Variants in TM9SF4 observed in about 807,000 individuals in gnomAD.
The protein encoded by TM9SF4 is dinucleotide oxidase disulfide thiol exchanger 3 superfamily member 4.
A neutral mutation model predicts 90.4 loss-of-function variants in TM9SF4; 26 were observed. That is an observed-to-expected ratio of 0.29 (90% CI 0.21 to 0.40). The LOEUF (loss-of-function observed/expected upper bound fraction) is 0.40. TM9SF4 is among the 10% of genes least tolerant of loss of function. The probability of loss-of-function intolerance (pLI) is 1.00; values close to 1 mark genes in which losing one functional copy is unlikely to be tolerated. For synonymous variants in TM9SF4, 293 were observed against 315.4 expected (o/e 0.93, Z 0.75); for missense variants, 549 against 834.8 (o/e 0.66, Z 4.22).
At chr20:32,127,533 G>A (rs1026376109) in intron 1 of TM9SF4, among the ~76,000 whole-genome samples, 5 of 152,134 alleles carry the variant, frequency 3.3e-5, no homozygotes, top group Admixed American at 6.5e-5. Context: ...GAAGGAACCC[G>A]GTCTGTCACT....
chr20:32,144,788 C>G (rs559410739), intron 6 of TM9SF4, among the ~76,000 whole-genome samples: 2 of 152,280 alleles, frequency 1.3e-5, no homozygotes, highest in South Asian at 4.1e-4. Context: ...TGACACACAC[C>G]TGTAGTCCCA....
At position 32,161,302 on chromosome 20, in the gene TM9SF4, C is replaced by T; in HGVS notation, c.1716C>T (p.Phe572=). 6.2e-7 allele frequency: 1 copy of T among 1,613,962 alleles called. No homozygotes were observed. The highest frequency in any genetic ancestry group is 1.1e-5 in the South Asian group (1 of 91,070). Residue 572 remains phenylalanine (F), a synonymous_variant, in exon 17 of 18, where the codon TTC becomes TTT. Coordinates refer to ENST00000398022, the MANE Select transcript of TM9SF4 (RefSeq NM_014742.4). Reference sequence around the variant, plus strand: ...ATTACCGCTGGTGGTGGAGAAATTTCCTAGTCTCCGGGGGCTCTGCATTCT... The same window carrying T: ...ATTACCGCTGGTGGTGGAGAAATTTTCTAGTCTCCGGGGGCTCTGCATTCT... ...AEDYRWWWRN[F]LVSGGSAFYV...
In TM9SF4 at chr20:32,160,032, T is replaced by C. The variant is rs775841125; in HGVS notation, c.1610T>C (p.Leu537Pro). 1 of 1,614,244 alleles carries C rather than the reference T, an allele frequency of 6.2e-7. No individual in the cohort carries two copies. The highest frequency in any genetic ancestry group is 8.5e-7 in the Non-Finnish European group (1 of 1,180,030). Residue 537 changes from leucine (L) to proline (P), a missense_variant, in exon 16 of 18, where the codon CTG becomes CCG. Transcript: ENST00000398022. ...ENQFYYLFGF[L>P]FLVFIILVVS... ...CAGTTCTATTACCTCTTTGGCTTCC[T>C]GTTCCTTGTTTTCATCATCCTGGTG...
chr20:32,114,871 A>G (rs779568272), intron 1 of TM9SF4, among the ~76,000 whole-genome samples: 8 of 152,176 alleles, frequency 5.3e-5, no homozygotes, highest in Non-Finnish European at 8.8e-5. Flanking sequence ...GGGGCAAATT[A>G]CTTTGGCTTC....
intron 1 of TM9SF4, among the ~76,000 whole-genome samples, chr20:32,123,866 A>ATATATATATATATATATT: frequency 9.6e-5 from 9 of 93,960 alleles, no homozygotes; most frequent in African/African-American, 4.1e-4. Context: ...ATATATATAT[A>ATATATATATATATATATT]TTTTTTTTTT....
At chr20:32,146,679 G>A (rs543998723) in intron 8 of TM9SF4, 106 bp from the exon 9 acceptor site, 37 of 1,108,768 alleles carry the variant, frequency 3.3e-5, no homozygotes, top group South Asian at 4.3e-5. Flanking sequence ...GGAGCAAGCC[G>A]TGCATGCCAG....
At chr20:32,141,306 G>A (rs889163328) in intron 3 of TM9SF4, among the ~76,000 whole-genome samples, 191 bp from the exon 4 acceptor site, 1 of 151,932 alleles carries the variant, frequency 6.6e-6, no homozygotes, top group African/African-American at 2.4e-5. Flanking sequence ...CAAAGGAGGA[G>A]GGTGGCAGGT....
At chr20:32,137,845 A>G (rs6142618) in intron 3 of TM9SF4, among the ~76,000 whole-genome samples, 104,855 of 152,078 alleles carry the variant, frequency 0.69, 37,901 homozygotes, top group East Asian at 0.99. Context: ...TCACAATAGC[A>G]TGTAGATTCT....
intron 1 of TM9SF4, among the ~76,000 whole-genome samples, chr20:32,132,572 C>T (rs889448844): frequency 6.6e-6 from 1 of 152,044 alleles, no homozygotes; most frequent in East Asian, 1.9e-4. Flanking sequence ...GAGGCCAGCA[C>T]GGTTTTGGAG....
intron 1 of TM9SF4, among the ~76,000 whole-genome samples, chr20:32,113,579 G>C (rs1203949336): frequency 7.0e-6 from 1 of 142,256 alleles, no homozygotes; most frequent in Non-Finnish European, 1.5e-5. Flanking sequence ...CAGGAGTCTA[G>C]AAACTTCAGT....
Position 32,144,090 on chromosome 20 carries a change from C to G in TM9SF4, c.652+985C>G, listed in dbSNP as rs553977030. ...CCTCCTAAGTAGCTAGGATTATAGG[C>G]GCCCACTACCGCACCTGGCTAATTT... On this transcript the variant is annotated intron_variant, in intron 6 of 17. Transcript: ENST00000398022. Among the ~76,000 whole-genome samples the G allele has an allele frequency of 2.0e-5, 3 of 152,268 alleles. No homozygotes were observed. In the South Asian group the frequency reaches 6.2e-4, roughly 32 times the overall value.
At chr20:32,123,866 A>ATATATTTTTTTTTTTTT in intron 1 of TM9SF4, among the ~76,000 whole-genome samples, 11 of 93,964 alleles carry the variant, frequency 1.2e-4, no homozygotes, top group East Asian at 1.5e-3. Context: ...ATATATATAT[A>ATATATTTTTTTTTTTTT]TTTTTTTTTT....
At chr20:32,165,075 G>A (rs1013520760) in intron 17 of TM9SF4, among the ~76,000 whole-genome samples, 1 of 152,136 alleles carries the variant, frequency 6.6e-6, no homozygotes, top group Non-Finnish European at 1.5e-5. Context: ...TCTGGGCCTG[G>A]CCCCTGAGGC....
chr20:32,161,057 G>T, intron 16 of TM9SF4: 2 of 465,314 alleles, frequency 4.3e-6, no homozygotes, highest in South Asian at 3.5e-5. Context: ...TTTTAATGAG[G>T]TATAAACTGT....
intron 1 of TM9SF4, among the ~76,000 whole-genome samples, chr20:32,118,115 A>G (rs1253519251): frequency 6.6e-6 from 1 of 152,190 alleles, no homozygotes; most frequent in Non-Finnish European, 1.5e-5. Flanking sequence ...AGAATCATAA[A>G]AAGTTGGAAC....
chr20:32,149,906 C>T (rs1569094396), intron 10 of TM9SF4, 140 bp downstream of exon 10: 1 of 1,220,114 alleles, frequency 8.2e-7, no homozygotes, highest in East Asian at 2.5e-5. Flanking sequence ...ATCTCTGGGC[C>T]AGACAGGCCG....
intron 1 of TM9SF4, among the ~76,000 whole-genome samples, chr20:32,130,866 G>A (rs1040966225): frequency 2.0e-5 from 3 of 152,116 alleles, no homozygotes; most frequent in South Asian, 2.1e-4. Context: ...AAATGTTCAC[G>A]CTAGTTGCTT....
At chr20:32,118,745 C>T (rs563017686) in intron 1 of TM9SF4, among the ~76,000 whole-genome samples, 1 of 152,162 alleles carries the variant, frequency 6.6e-6, no homozygotes, top group South Asian at 2.1e-4. Context: ...AAGTGATCCT[C>T]CCACCTCAGC....
intron 12 of TM9SF4, among the ~76,000 whole-genome samples, chr20:32,154,531 G>A (rs954999375): frequency 4.6e-5 from 7 of 152,078 alleles, no homozygotes; most frequent in African/African-American, 9.7e-5. Context: ...TCTGCTCACT[G>A]CAACCTTTGC....
Sources: allele counts gnomAD v4.1 joint callset (sites outside exome capture counted in the v4.1 genomes callset), GRCh38; gene constraint gnomAD v4.1.1; transcripts MANE v1.5; gene names NCBI Gene and HGNC (gene_info 2026-07-23, HGNC 2026-07-21).